The following FGF13 variants were observed in gnomAD, a reference collection of about 807,000 sequenced individuals.
The protein encoded by FGF13 is fibroblast growth factor homologous factor 2.
FGF13 carries 2 observed loss-of-function variants against 19.5 expected under a neutral mutation model. The ratio of observed to expected loss-of-function variants is 0.10; its 90% CI spans 0.04 to 0.32. The LOEUF is 0.32. FGF13 is among the 10% of genes least tolerant of loss of function. The pLI, the probability that FGF13 is intolerant of heterozygous loss-of-function variation, is 1.00. For missense variants in FGF13, 113 were observed against 192.7 expected (o/e 0.59, Z 2.45); for synonymous variants, 72 against 76.9 (o/e 0.94, Z 0.33).
chrX:138,702,953 A>G (rs770788960), intron 3 of FGF13, 31 bp downstream of exon 3: 1 of 1,011,879 alleles, frequency 9.9e-7, no homozygotes, highest in East Asian at 3.0e-5. Flanking sequence ...AAACTAGAAT[A>G]GTCAAAACAT....
In FGF13 at chrX:138,997,129, G is replaced by A. The variant is rs766298934; in HGVS notation, c.-112-132479C>T. Among the ~76,000 whole-genome samples, 10 of 111,882 alleles carry A rather than the reference G, an allele frequency of 8.9e-5. No individual in the cohort carries two copies. The Admixed American group carries it at 9.5e-4, about 11-fold the overall frequency. Reference sequence around the variant, plus strand: ...GAAAACTAACAAACAGAAAGGAATAGCATCAAATCAACAAAAAGGACATCC... The same window carrying A: ...GAAAACTAACAAACAGAAAGGAATAACATCAAATCAACAAAAAGGACATCC... On this transcript the variant is annotated intron_variant, in intron 1 of 2. Coordinates refer to the FGF13 transcript ENST00000421460.
intron 1 of FGF13, among the ~76,000 whole-genome samples, chrX:139,082,227 A>G (rs1329644307): frequency 2.7e-5 from 3 of 111,167 alleles, no homozygotes; most frequent in African/African-American, 9.8e-5. Flanking sequence ...CTGTTCCCTC[A>G]GATATCCGCA....
At chrX:139,203,783 T>A (rs2148285778), upstream of FGF13, among the ~76,000 whole-genome samples, 1 of 111,954 alleles carries the variant, frequency 8.9e-6, no homozygotes, top group Admixed American at 9.3e-5. Context: ...AGCAGCTTCG[T>A]CTGCCCGCAG....
intron 3 of FGF13, among the ~76,000 whole-genome samples, chrX:138,642,887 A>G (rs950482769): frequency 3.6e-5 from 4 of 112,424 alleles, no homozygotes; most frequent in African/African-American, 1.3e-4. Flanking sequence ...ACTTAAAAAT[A>G]CACAGGTTAA....
At chrX:138,891,197 A>T (rs2091475154) in intron 1 of FGF13, among the ~76,000 whole-genome samples, 1 of 111,768 alleles carries the variant, frequency 8.9e-6, no homozygotes, top group African/African-American at 3.3e-5. Context: ...AGGCAGGAGA[A>T]TGCCGTGAAC....
rs2089900650 is a variant in FGF13 at position 138,696,807 on chromosome X, G to A, written c.402+6177C>T. ...ATCTGTAGCAAATGCTGCATCTTGG[G>A]CTGCCATCTCGGGCTTTTCCCTATT... On this transcript the variant is annotated intron_variant, in intron 3 of 4. Coordinates refer to ENST00000315930, the MANE Select transcript of FGF13 (RefSeq NM_004114.5). 2.7e-5 allele frequency among the ~76,000 whole-genome samples: 3 copies of A among 111,909 alleles called. 1 individual carries two copies. In the South Asian group the frequency reaches 1.1e-3, roughly 42 times the overall value.
intron 1 of FGF13, among the ~76,000 whole-genome samples, chrX:139,114,440 A>G (rs1353935312): frequency 5.4e-5 from 6 of 111,853 alleles, no homozygotes; most frequent in Admixed American, 9.5e-5. Context: ...GTCAGGGGAT[A>G]GGACTATCAA....
chrX:138,830,463 C>A (rs1001162033), intron 3 of FGF13, among the ~76,000 whole-genome samples: 1 of 111,532 alleles, frequency 9.0e-6, no homozygotes, highest in Non-Finnish European at 1.9e-5. Context: ...TGCACGTGTC[C>A]TAGAACTTTA....
At chrX:138,774,588 T>G (rs2090574052) in intron 3 of FGF13, among the ~76,000 whole-genome samples, 1 of 111,624 alleles carries the variant, frequency 9.0e-6, no homozygotes, top group Non-Finnish European at 1.9e-5. Context: ...AGACCTCTCA[T>G]AGCACCTCCA....
rs2089026371 is a variant in FGF13, at chrX:138,622,913, AC to A, written c.*9936del. On this transcript the variant is annotated 3_prime_UTR_variant, in exon 5 of 5. Transcript: ENST00000315930. ...TAATATTAATTCTTCCAATCTATGA[AC>A]AAAGGGATCTGTTCCATTTGTCTTC... 1 of 112,176 alleles carries A rather than the reference AC, an allele frequency of 8.9e-6. No individual in the cohort carries two copies. Among genetic ancestry groups the A allele is most frequent in the East Asian group, 2.8e-4 (1 of 3,553 alleles). 9.2% of individuals were successfully genotyped at this position (112,176 alleles called of 1,213,427 possible).
chrX:139,107,463 G>A (rs1221001332), intron 1 of FGF13, among the ~76,000 whole-genome samples: 2 of 112,094 alleles, frequency 1.8e-5, no homozygotes, highest in Non-Finnish European at 3.8e-5. Context: ...ATCCTTCATT[G>A]CTGAAAAGAG....
intron 1 of FGF13, among the ~76,000 whole-genome samples, chrX:139,096,337 C>G (rs1444999252): frequency 9.0e-6 from 1 of 111,555 alleles, no homozygotes; most frequent in Non-Finnish European, 1.9e-5. Flanking sequence ...TGCGATGAGC[C>G]TTGAGAAGCA....
At chrX:138,826,347 G>A (rs970393437) in intron 3 of FGF13, among the ~76,000 whole-genome samples, 3 of 111,746 alleles carry the variant, frequency 2.7e-5, no homozygotes, top group Non-Finnish European at 3.8e-5. Context: ...TGGCACCCAG[G>A]TGGCCTAAAA....
intron 1 of FGF13, among the ~76,000 whole-genome samples, chrX:139,009,773 T>G (rs745468952): frequency 4.6e-4 from 51 of 111,455 alleles, no homozygotes; most frequent in African/African-American, 1.5e-3. Context: ...AGGCAACAAA[T>G]AGCATGTTGA....
intron 1 of FGF13, among the ~76,000 whole-genome samples, chrX:139,088,106 T>C (rs1344468467): frequency 8.9e-6 from 1 of 112,052 alleles, no homozygotes; most frequent in Admixed American, 9.5e-5. Flanking sequence ...AAGTATGTTA[T>C]TCCTGCAAAA....
chrX:138,930,576 C>A (rs1354441986), intron 1 of FGF13, among the ~76,000 whole-genome samples: 1 of 111,781 alleles, frequency 8.9e-6, no homozygotes, highest in African/African-American at 3.3e-5. Flanking sequence ...TATTTAAAGT[C>A]AAAAATAGTC....
intron 1 of FGF13, among the ~76,000 whole-genome samples, chrX:139,103,648 T>C (rs1204651657): frequency 1.8e-5 from 2 of 111,918 alleles, no homozygotes; most frequent in Non-Finnish European, 3.8e-5. Context: ...ACTAAAACCA[T>C]TGAATTGTAT....
At chrX:138,663,240 T>C (rs1379425750) in intron 3 of FGF13, among the ~76,000 whole-genome samples, 1 of 111,803 alleles carries the variant, frequency 8.9e-6, no homozygotes, top group Non-Finnish European at 1.9e-5. Flanking sequence ...TAGGTGAATA[T>C]TGAAATGATT....
intron 3 of FGF13, among the ~76,000 whole-genome samples, chrX:138,752,397 G>C: frequency 9.0e-6 from 1 of 110,948 alleles, no homozygotes; most frequent in Non-Finnish European, 1.9e-5. Context: ...CTGCACTCCA[G>C]CCTGTGCAAC....
Sources: allele counts gnomAD v4.1 joint callset (sites outside exome capture counted in the v4.1 genomes callset), GRCh38; gene constraint gnomAD v4.1.1; transcripts MANE v1.5; gene names NCBI Gene and HGNC (gene_info 2026-07-23, HGNC 2026-07-21).